ALK: variants seen among roughly 807,000 people sequenced by gnomAD.
ALK encodes the protein ALK tyrosine kinase receptor.
ALK carries 74 observed loss-of-function variants against 163.1 expected under a neutral mutation model. The observed-to-expected ratio is 0.45, with a 90% CI of 0.38 to 0.55. The LOEUF (loss-of-function observed/expected upper bound fraction) is 0.55. Among genes scored for constraint, ALK ranks in the 20% least tolerant of loss-of-function variants. The pLI, the probability that ALK is intolerant of heterozygous loss-of-function variation, is 0.00. For missense variants in ALK, 2,063 were observed against 2,105.3 expected, an observed-to-expected ratio of 0.98 and a Z score of 0.39; for synonymous variants, 960 against 843.2, an observed-to-expected ratio of 1.14 and a Z score of -2.40.
chr2:29,639,483 A>G (rs1676638859), intron 3 of ALK, among the ~76,000 whole-genome samples: 1 of 152,190 alleles, frequency 6.6e-6, no homozygotes, highest in Admixed American at 6.5e-5. Flanking sequence ...CATTCCACTA[A>G]GGATTTGAGC....
intron 1 of ALK, among the ~76,000 whole-genome samples, chr2:29,856,849 T>C (rs1353523976): frequency 6.6e-6 from 1 of 152,200 alleles, no homozygotes; most frequent in East Asian, 1.9e-4. Flanking sequence ...GTTCCTGAGT[T>C]AGACAGGGCG....
intron 5 of ALK, among the ~76,000 whole-genome samples, chr2:29,381,932 A>G (rs2148300025): frequency 6.6e-6 from 1 of 152,336 alleles, no homozygotes. Context: ...GCAAACACTG[A>G]GATCACCTTG....
chr2:29,222,447 T>G (rs367642110), intron 21 of ALK, 39 bp from the exon 22 acceptor site: 1 of 1,613,318 alleles, frequency 6.2e-7, no homozygotes, highest in African/African-American at 1.3e-5. Flanking sequence ...AGGAGGAGGC[T>G]GTGAGCTGAG....
At chr2:29,919,524 A>G (rs1196393144) in intron 1 of ALK, among the ~76,000 whole-genome samples, 1 of 152,178 alleles carries the variant, frequency 6.6e-6, no homozygotes, top group Non-Finnish European at 1.5e-5. Flanking sequence ...GTTGGGTGAG[A>G]TTCAATAATA....
intron 3 of ALK, among the ~76,000 whole-genome samples, chr2:29,631,938 A>G (rs1177685477): frequency 1.3e-5 from 2 of 152,218 alleles, no homozygotes; most frequent in Non-Finnish European, 2.9e-5. Context: ...CACATCTCAC[A>G]CATGTATCAT....
At chr2:29,202,262 C>T (rs552178785) in intron 26 of ALK, among the ~76,000 whole-genome samples, 35 of 152,286 alleles carry the variant, frequency 2.3e-4, no homozygotes, top group Admixed American at 5.9e-4. Flanking sequence ...AAGTTACCTC[C>T]GGTAAGGAGC....
intron 1 of ALK, among the ~76,000 whole-genome samples, chr2:29,768,694 T>C (rs902151392): frequency 1.4e-5 from 2 of 146,528 alleles, no homozygotes; most frequent in Non-Finnish European, 3.0e-5. Flanking sequence ...AAATTATAAT[T>C]TTATTAAATT....
At chr2:29,251,070 G>T (rs748744984) in intron 12 of ALK, 35 bp downstream of exon 12, 26 of 1,607,046 alleles carry the variant, frequency 1.6e-5, no homozygotes, top group Non-Finnish European at 2.2e-5. Context: ...CGGAAGGGGT[G>T]GTCTGCCCCT....
chr2:29,691,848 T>C (rs1047236366), intron 3 of ALK, among the ~76,000 whole-genome samples: 2 of 152,206 alleles, frequency 1.3e-5, no homozygotes, highest in African/African-American at 4.8e-5. Flanking sequence ...TTCAAAGTTA[T>C]CATGTGTGAC....
intron 3 of ALK, among the ~76,000 whole-genome samples, chr2:29,673,741 G>T (rs1677782660): frequency 6.7e-6 from 1 of 149,616 alleles, no homozygotes; most frequent in African/African-American, 2.5e-5. Context: ...TGATGGGGAT[G>T]GCATTGAATC....
At chr2:29,352,980 C>T (rs1668156901) in intron 5 of ALK, among the ~76,000 whole-genome samples, 1 of 151,682 alleles carries the variant, frequency 6.6e-6, no homozygotes, top group Admixed American at 6.6e-5. Context: ...AAGACAGTAA[C>T]AGCCCTTTCC....
At chr2:29,571,600 A>ATTTTT (rs1674371246) in intron 3 of ALK, among the ~76,000 whole-genome samples, 10 of 66,296 alleles carry the variant, frequency 1.5e-4, no homozygotes, top group South Asian at 4.1e-4. Context: ...CTTGGCTCAT[A>ATTTTT]TCTTTTTTTT....
intron 4 of ALK, among the ~76,000 whole-genome samples, chr2:29,520,756 T>C (rs1199041553): frequency 7.2e-5 from 11 of 152,056 alleles, no homozygotes; most frequent in Admixed American, 1.3e-4. Context: ...GAATCATGGG[T>C]CCAGAGAAAT....
chr2:29,481,088 T>G (rs1480777909), intron 4 of ALK, among the ~76,000 whole-genome samples: 1 of 152,220 alleles, frequency 6.6e-6, no homozygotes, highest in Non-Finnish European at 1.5e-5. Context: ...AGGACCAGCT[T>G]CAGATTTAGT....
At chr2:29,824,470 C>T (rs1471440307) in intron 1 of ALK, among the ~76,000 whole-genome samples, 1 of 152,238 alleles carries the variant, frequency 6.6e-6, no homozygotes, top group Non-Finnish European at 1.5e-5. Context: ...CTAGTGAAGG[C>T]AGCTGGGAGG....
chr2:29,302,518 C>T (rs1450961473), intron 8 of ALK, among the ~76,000 whole-genome samples: 1 of 151,674 alleles, frequency 6.6e-6, no homozygotes, highest in Admixed American at 6.6e-5. Flanking sequence ...GACTTCGTCT[C>T]AAAGAGAAAA....
At chr2:29,720,307 G>A (rs957683512) in intron 1 of ALK, among the ~76,000 whole-genome samples, 4 of 152,182 alleles carry the variant, frequency 2.6e-5, no homozygotes, top group African/African-American at 9.6e-5. Context: ...CTCTTCAGAA[G>A]CATGAGCTTA....
intron 4 of ALK, among the ~76,000 whole-genome samples, chr2:29,476,736 G>A (rs1395045683): frequency 6.6e-6 from 1 of 152,180 alleles, no homozygotes; most frequent in Non-Finnish European, 1.5e-5. Context: ...GGAAGACAGG[G>A]AGAAGAGACC....
chr2:29,641,447 A>G (rs999851389), intron 3 of ALK, among the ~76,000 whole-genome samples: 9 of 152,324 alleles, frequency 5.9e-5, no homozygotes, highest in South Asian at 2.1e-4. Flanking sequence ...GTACATTGTG[A>G]GTTGGATCTG....
Sources: gnomAD v4.1 joint callset for allele counts (sites outside exome capture counted in the v4.1 genomes callset) on GRCh38, gnomAD v4.1.1 for gene constraint, MANE v1.5 for transcripts, NCBI Gene and HGNC (gene_info 2026-07-23, HGNC 2026-07-21) for gene names.